Variants in SERINC5 observed in about 807,000 individuals in gnomAD.
The protein encoded by SERINC5 is chromosome 5 open reading frame 12.
SERINC5 carries 41 observed loss-of-function variants against 63.1 expected under a neutral mutation model. The observed-to-expected ratio is 0.65, with a 90% CI of 0.51 to 0.84. SERINC5 has a LOEUF of 0.84. SERINC5 is among the 40% of genes least tolerant of loss of function. The pLI is 0.00. For synonymous variants in SERINC5, 222 were observed against 215.2 expected (o/e 1.03, Z -0.28); for missense variants, 523 against 573.0 (o/e 0.91, Z 0.89).
intron 1 of SERINC5, among the ~76,000 whole-genome samples, chr5:80,219,754 CA>C (rs1404869513): frequency 6.6e-6 from 1 of 152,308 alleles, no homozygotes; most frequent in African/African-American, 2.4e-5. Context: ...AATACATTTG[CA>C]AAAGGAACCA....
At chr5:80,175,226 G>T (rs1349177344) in intron 4 of SERINC5, among the ~76,000 whole-genome samples, 179 bp from the exon 5 acceptor site, 1 of 152,142 alleles carries the variant, frequency 6.6e-6, no homozygotes, top group Non-Finnish European at 1.5e-5. Context: ...GAAAAATTGA[G>T]AATCTATGTA....
chr5:80,215,631 C>T (rs1750626934), intron 1 of SERINC5, among the ~76,000 whole-genome samples: 1 of 152,182 alleles, frequency 6.6e-6, no homozygotes, highest in Non-Finnish European at 1.5e-5. Flanking sequence ...CATCATCATG[C>T]CCATAACTGT....
intron 2 of SERINC5, among the ~76,000 whole-genome samples, chr5:80,200,179 G>C (rs1749739755): frequency 6.6e-6 from 1 of 151,922 alleles, no homozygotes. Context: ...TTAGGCCTTA[G>C]AAGACTTTAT....
At chr5:80,185,894 G>T (rs1748767316) in intron 2 of SERINC5, among the ~76,000 whole-genome samples, 1 of 151,944 alleles carries the variant, frequency 6.6e-6, no homozygotes, top group African/African-American at 2.4e-5. Context: ...AGGCCATCTG[G>T]GCATATACCT....
chr5:80,248,922 T>C (rs1458671170), intron 1 of SERINC5, among the ~76,000 whole-genome samples: 1 of 152,222 alleles, frequency 6.6e-6, no homozygotes. Flanking sequence ...AGGGATTTTT[T>C]TTCATTACTT....
Position 80,139,068 on chromosome 5 carries a change from A to G in SERINC5, c.*4595T>C. 1.0e-6 allele frequency: 1 copy of G among 983,792 alleles called. No homozygotes were observed. Among genetic ancestry groups the G allele is most frequent in the Non-Finnish European group, 1.2e-6 (1 of 828,386 alleles). The allele number at this position is 983,792 out of a possible 1,614,324, so 60.9% of individuals were successfully genotyped here. ...AAGTTACCAAAATTCGAATCATATCAGAGACCATTATAAATTTCAAACAGT... is the reference window on the plus strand; with the variant it reads ...AAGTTACCAAAATTCGAATCATATCGGAGACCATTATAAATTTCAAACAGT... On this transcript the variant is annotated 3_prime_UTR_variant, in exon 12 of 12. Coordinates refer to ENST00000507668, the MANE Select transcript of SERINC5 (RefSeq NM_001174072.3).
rs143492856 is a variant in SERINC5, at chr5:80,188,718, T to C, written c.196-10654A>G. ...CTGGGCAGCACAGTGAGAGACCCCG[T>C]CTCTACAAAAAGTAAAAAAATTGGC... On this transcript the variant is annotated intron_variant, in intron 2 of 11. Transcript: ENST00000507668. Among the ~76,000 whole-genome samples, 911 of 152,122 alleles carry C rather than the reference T, an allele frequency of 6.0e-3. 3 individuals are homozygous for C. Among genetic ancestry groups the C allele is most frequent in the Middle Eastern group, 0.014 (4 of 294 alleles).
chr5:80,146,527 A>G (rs1745836146), intron 10 of SERINC5, among the ~76,000 whole-genome samples: 1 of 152,194 alleles, frequency 6.6e-6, no homozygotes, highest in African/African-American at 2.4e-5. Context: ...ATCTTGGGTC[A>G]CTGCAACCTC....
rs765178626 is a variant in SERINC5, at chr5:80,115,363, A to G, written c.1239-1738T>C. ...AGGTTGTCTCTCCAATGACCTTAGCAGGTTCAGAATAACCCTCTAATATTC... is the reference window on the plus strand; with the variant it reads ...AGGTTGTCTCTCCAATGACCTTAGCGGGTTCAGAATAACCCTCTAATATTC... On this transcript the variant is annotated intron_variant, in intron 11 of 12. Transcript: ENST00000509193. 1.4e-4 allele frequency among the ~76,000 whole-genome samples: 21 copies of G among 152,116 alleles called. 1 individual carries two copies. The highest frequency in any genetic ancestry group is 2.4e-4 in the Non-Finnish European group (16 of 68,030).
chr5:80,224,144 AAAAAAG>A (rs1046970252), intron 1 of SERINC5, among the ~76,000 whole-genome samples: 4 of 149,970 alleles, frequency 2.7e-5, no homozygotes, highest in African/African-American at 7.4e-5. Flanking sequence ...AAAAAAAAAA[AAAAAAG>A]AAAAAAGAAA....
chr5:80,157,929 G>C (rs377741578), intron 8 of SERINC5: 4 of 152,234 alleles, frequency 2.6e-5, no homozygotes, highest in African/African-American at 9.6e-5. Context: ...TGTTAAAGGA[G>C]GTAAGAGAAA....
intron 1 of SERINC5, among the ~76,000 whole-genome samples, chr5:80,225,286 C>T (rs1261752819): frequency 2.0e-5 from 3 of 152,176 alleles, no homozygotes; most frequent in African/African-American, 7.2e-5. Context: ...TATCATCCAC[C>T]TCTATTATAA....
chr5:80,248,875 T>C (rs1354417400), intron 1 of SERINC5, among the ~76,000 whole-genome samples: 1 of 152,184 alleles, frequency 6.6e-6, no homozygotes, highest in African/African-American at 2.4e-5. Flanking sequence ...ATGACAGAAA[T>C]ATATTGTCAA....
chr5:80,164,864 A>C (rs1339884077), intron 7 of SERINC5, among the ~76,000 whole-genome samples: 1 of 151,042 alleles, frequency 6.6e-6, no homozygotes, highest in Admixed American at 6.6e-5. Context: ...TCTTAGGCTA[A>C]TTAAAAAAAT....
chr5:80,133,760 G>T (rs546388777), downstream of SERINC5, among the ~76,000 whole-genome samples: 17 of 152,348 alleles, frequency 1.1e-4, no homozygotes, highest in South Asian at 3.3e-3. Flanking sequence ...ATCTGTACGG[G>T]AGACTGGAGT....
intron 1 of SERINC5, among the ~76,000 whole-genome samples, chr5:80,230,627 C>A (rs1580198183): frequency 6.6e-6 from 1 of 152,048 alleles, no homozygotes; most frequent in African/African-American, 2.4e-5. Context: ...CTCTGTGACA[C>A]CAGCACAATC....
chr5:80,131,593 C>A (rs1306738565), intron 11 of SERINC5, among the ~76,000 whole-genome samples: 3 of 152,100 alleles, frequency 2.0e-5, no homozygotes, highest in Admixed American at 6.5e-5. Context: ...AATGCTGGAA[C>A]AGAGTGGGCA....
In SERINC5 at chr5:80,112,526, G is replaced by A. The variant is rs545382726; in HGVS notation, c.*30-824C>T. On this transcript the variant is annotated intron_variant, in intron 12 of 12. Transcript: ENST00000509193. Reference sequence around the variant, plus strand: ...TGCTGGTGCAGGTCCTCCGTATGCTGAGCGCCAGTCTGCTGGGCCCACTGT... The same window carrying A: ...TGCTGGTGCAGGTCCTCCGTATGCTAAGCGCCAGTCTGCTGGGCCCACTGT... Among the ~76,000 whole-genome samples the A allele has an allele frequency of 7.2e-4, 109 of 152,238 alleles. No individual in the cohort carries two copies. The South Asian group carries it at 1.0e-2, about 14-fold the overall frequency.
chr5:80,151,560 C>A (rs1018496718), intron 8 of SERINC5, among the ~76,000 whole-genome samples: 1 of 149,010 alleles, frequency 6.7e-6, no homozygotes, highest in Non-Finnish European at 1.5e-5. Context: ...GTGGCTCATG[C>A]CTGTAATACT....
Sources: gnomAD v4.1 joint callset for allele counts (sites outside exome capture counted in the v4.1 genomes callset) on GRCh38, gnomAD v4.1.1 for gene constraint, MANE v1.5 for transcripts, NCBI Gene and HGNC (gene_info 2026-07-23, HGNC 2026-07-21) for gene names.